The following PCDHA5 variants were observed in gnomAD, a reference collection of about 807,000 sequenced individuals.
PCDHA5 encodes the protein protocadherin alpha-5.
Under a neutral mutation model 61.6 loss-of-function variants are expected in PCDHA5, and 43 were observed. That is an observed-to-expected ratio of 0.70 (90% CI 0.55 to 0.90). The LOEUF (loss-of-function observed/expected upper bound fraction) is 0.90. Ranked by LOEUF, PCDHA5 falls within the 40% of genes least tolerant of loss-of-function variation. PCDHA5 has a pLI of 0.00. For missense variants in PCDHA5, 1,298 were observed against 1,222.7 expected (o/e 1.06, Z -0.92); for synonymous variants, 627 against 543.9 (o/e 1.15, Z -2.13).
chr5:140,858,133 C>T, intron 1 of PCDHA5: 1 of 1,597,688 alleles, frequency 6.3e-7, no homozygotes, highest in Non-Finnish European at 8.6e-7. Context: ...TGGATGTCAA[C>T]GTGTACCTGA....
chr5:140,876,023 C>G, intron 1 of PCDHA5: 1 of 1,612,330 alleles, frequency 6.2e-7, no homozygotes, highest in Non-Finnish European at 8.5e-7. Flanking sequence ...AAAATAAAAA[C>G]AAAAAAAGAT....
chr5:140,997,156 C>G (rs1266627646), intron 3 of PCDHA5, among the ~76,000 whole-genome samples: 1 of 152,106 alleles, frequency 6.6e-6, no homozygotes, highest in Non-Finnish European at 1.5e-5. Flanking sequence ...CAGTGACATC[C>G]TGCCCAGAGT....
chr5:140,893,853 G>C (rs1395145943), intron 1 of PCDHA5, among the ~76,000 whole-genome samples: 1 of 152,050 alleles, frequency 6.6e-6, no homozygotes. Context: ...CCTACCTCTT[G>C]TATAGAAACA....
Position 141,010,653 on chromosome 5 carries a change from A to G in PCDHA5, c.*716A>G. On this transcript the variant is annotated 3_prime_UTR_variant, in exon 4 of 4. Transcript: ENST00000529859. ...TGCAAGCCAACAGTTCAGTGTTTTA[A>G]CAGAGAACCACCCTGGGAAACAGAA... 5.9e-6 allele frequency: 1 copy of G among 170,180 alleles called. No individual in the cohort carries two copies. The highest frequency in any genetic ancestry group is 1.3e-5 in the Non-Finnish European group (1 of 78,244). 10.5% of individuals were successfully genotyped at this position (170,180 alleles called of 1,614,324 possible). A position where few individuals can be genotyped will look rare whatever the true frequency, so the allele number is the denominator to read the frequency against.
At chr5:140,867,347 T>C (rs1465501574) in intron 1 of PCDHA5, 1 of 152,144 alleles carries the variant, frequency 6.6e-6, no homozygotes, top group Non-Finnish European at 1.5e-5. Context: ...GAGGCTACTA[T>C]GATTGATTAT....
At chr5:140,967,823 G>A in intron 1 of PCDHA5, 2 of 1,614,162 alleles carry the variant, frequency 1.2e-6, no homozygotes, top group Non-Finnish European at 8.5e-7. Context: ...CAAGGTGCTG[G>A]TGGACATCGT....
chr5:141,010,205 G>A lies in PCDHA5; in HGVS notation c.*268G>A, dbSNP rs1554262753. On this transcript the variant is annotated 3_prime_UTR_variant, in exon 4 of 4. Transcript: ENST00000529859. ...ACCCAAGTTTCCTTTCTCCTCCGCC[G>A]CAAAGGAGAGGCTTCCCAGCCCCGC... 4 of 1,551,732 alleles carry A rather than the reference G, an allele frequency of 2.6e-6. No homozygotes were observed. Among genetic ancestry groups the A allele is most frequent in the African/African-American group, 1.4e-5 (1 of 73,014 alleles).
At chr5:140,968,757 A>T in intron 1 of PCDHA5, 1 of 1,614,204 alleles carries the variant, frequency 6.2e-7, no homozygotes, top group Non-Finnish European at 8.5e-7. Context: ...GTGGTCCGAG[A>T]TAATGGAGAG....
At chr5:140,870,435 G>A in intron 1 of PCDHA5, 1 of 1,614,252 alleles carries the variant, frequency 6.2e-7, no homozygotes, top group South Asian at 1.1e-5. Context: ...CCGTGGAGGT[G>A]GCCGACGTGA....
At chr5:140,873,755 T>C (rs1273886734) in intron 1 of PCDHA5, among the ~76,000 whole-genome samples, 1 of 152,098 alleles carries the variant, frequency 6.6e-6, no homozygotes, top group African/African-American at 2.4e-5. Flanking sequence ...CCACCTCCCA[T>C]GTTCAAGCAA....
At chr5:140,889,637 G>A (rs184352635) in intron 1 of PCDHA5, among the ~76,000 whole-genome samples, 5 of 151,668 alleles carry the variant, frequency 3.3e-5, no homozygotes, top group Admixed American at 3.3e-4. Context: ...CTTTTCATTT[G>A]TGTTTGCAGG....
intron 1 of PCDHA5, chr5:140,830,139 C>T (rs2150181764): frequency 3.1e-6 from 5 of 1,613,142 alleles, no homozygotes; most frequent in Admixed American, 3.3e-5. Context: ...TCACGGGCGT[C>T]GGTGGGCGCC....
chr5:140,970,270 T>C (rs2096394574), intron 1 of PCDHA5, among the ~76,000 whole-genome samples: 1 of 152,234 alleles, frequency 6.6e-6, no homozygotes, highest in Non-Finnish European at 1.5e-5. Context: ...TTTGATGAGA[T>C]GTAAAGTAGC....
Position 140,823,446 on chromosome 5 carries a change from G to A in PCDHA5, c.1671G>A (p.Glu557=). 6.2e-7 allele frequency: 1 copy of A among 1,613,446 alleles called. No homozygotes were observed. The highest frequency in any genetic ancestry group is 1.1e-5 in the South Asian group (1 of 91,056). The change falls in exon 1 of 4, where the codon GAG becomes GAA. Residue 557 remains glutamate (E), a synonymous_variant. Transcript: ENST00000529859. ...CGCTGCAGGTGTTCGTGCTGGACGA[G>A]AACGACAACGCGCCGGCGCTGCTGG... The part of the protein sequence containing the change: ...NVTLQVFVLD[E]NDNAPALLVP...
At chr5:140,835,991 C>A (rs2150249713) in intron 1 of PCDHA5, 70 of 1,613,150 alleles carry the variant, frequency 4.3e-5, no homozygotes, top group Middle Eastern at 1.7e-4. Context: ...TCCAGGTGAG[C>A]GCGCGCGATG....
chr5:140,943,491 G>A (rs1387185924), intron 1 of PCDHA5, among the ~76,000 whole-genome samples: 4 of 151,986 alleles, frequency 2.6e-5, no homozygotes, highest in Non-Finnish European at 5.9e-5. Context: ...ATAAATAGAT[G>A]CTATCAAGGT....
At chr5:140,883,038 A>G (rs782789489) in intron 1 of PCDHA5, 3 of 1,614,160 alleles carry the variant, frequency 1.9e-6, no homozygotes, top group East Asian at 2.2e-5. Context: ...AACGCCTTCA[A>G]TGGAACATTA....
intron 3 of PCDHA5, among the ~76,000 whole-genome samples, chr5:140,999,091 T>A (rs1342614556): frequency 2.0e-5 from 3 of 152,208 alleles, no homozygotes; most frequent in African/African-American, 7.2e-5. Flanking sequence ...TTCAGAGGGC[T>A]ATGGAGAGTA....
chr5:140,860,512 T>A (rs1379513509), intron 1 of PCDHA5: 3 of 152,166 alleles, frequency 2.0e-5, no homozygotes, highest in African/African-American at 7.2e-5. Context: ...AAGATAAAAC[T>A]CTTCATGGAA....
Sources: gnomAD v4.1 joint callset for allele counts (sites outside exome capture counted in the v4.1 genomes callset) on GRCh38, gnomAD v4.1.1 for gene constraint, MANE v1.5 for transcripts, NCBI Gene and HGNC (gene_info 2026-07-23, HGNC 2026-07-21) for gene names.